DGKB: variants seen among roughly 807,000 people sequenced by gnomAD.
DGKB encodes diacylglycerol kinase beta.
DGKB carries 67 observed loss-of-function variants against 114.3 expected under a neutral mutation model. The ratio of observed to expected loss-of-function variants is 0.59; its 90% CI spans 0.48 to 0.72. The LOEUF is 0.72. Ranked by LOEUF, DGKB falls within the 30% of genes least tolerant of loss-of-function variation. The pLI is 0.00. For synonymous variants in DGKB, 398 were observed against 323.1 expected, an observed-to-expected ratio of 1.23 and a Z score of -2.49; for missense variants, 907 against 975.2, an observed-to-expected ratio of 0.93 and a Z score of 0.93.
chr7:14,157,917 G>C (rs912291375), intron 25 of DGKB, among the ~76,000 whole-genome samples: 3 of 152,086 alleles, frequency 2.0e-5, no homozygotes, highest in African/African-American at 7.2e-5. Context: ...CTTGTGACTT[G>C]ACTTTTCTTA....
intron 15 of DGKB, among the ~76,000 whole-genome samples, chr7:14,615,043 T>C (rs572342784): frequency 8.4e-4 from 128 of 152,200 alleles, no homozygotes; most frequent in African/African-American, 3.1e-3. Flanking sequence ...TAAAAACCTG[T>C]GTTCGATTTT....
In DGKB at chr7:14,617,045, T is replaced by C. The variant is rs1806670328; in HGVS notation, c.1285-3632A>G. ...AAAACAGTACATTTAAAGAGCATGA[T>C]TTTAGAGTTAGACTGGTTTTGGATC... is the stretch of plus-strand genomic sequence containing the variant. On this transcript the variant is annotated intron_variant, in intron 15 of 25. Transcript: ENST00000402815. Among the ~76,000 whole-genome samples the C allele has an allele frequency of 2.0e-5, 3 of 151,718 alleles. No individual in the cohort carries two copies. The South Asian group carries it at 6.2e-4, about 31-fold the overall frequency.
chr7:14,646,413 A>AT (rs1340369280), intron 13 of DGKB, among the ~76,000 whole-genome samples: 1 of 152,292 alleles, frequency 6.6e-6, no homozygotes, highest in African/African-American at 2.4e-5. Flanking sequence ...AATGCCCCAC[A>AT]TTGAGTATTA....
chr7:14,255,306 T>G (rs1795802776), intron 23 of DGKB, among the ~76,000 whole-genome samples: 1 of 152,180 alleles, frequency 6.6e-6, no homozygotes, highest in South Asian at 2.1e-4. Context: ...GATTAAATAT[T>G]TTAATATTAA....
intron 2 of DGKB, among the ~76,000 whole-genome samples, chr7:14,803,326 A>C (rs1223442373): frequency 1.3e-5 from 2 of 152,172 alleles, no homozygotes; most frequent in African/African-American, 4.8e-5. Context: ...AGATACAAGG[A>C]TAAAACCCTC....
intron 1 of DGKB, among the ~76,000 whole-genome samples, chr7:14,940,753 G>C (rs978099961): frequency 6.6e-6 from 1 of 151,558 alleles, no homozygotes; most frequent in Non-Finnish European, 1.5e-5. Flanking sequence ...AATTTCTTTT[G>C]TTTCCTCTTT....
At chr7:14,684,546 T>C (rs1821357996) in intron 10 of DGKB, among the ~76,000 whole-genome samples, 1 of 152,162 alleles carries the variant, frequency 6.6e-6, no homozygotes, top group Non-Finnish European at 1.5e-5. Flanking sequence ...ATTACTTAGG[T>C]GATTTTATAA....
chr7:14,321,705 A>AGAT (rs1807849157), intron 23 of DGKB, among the ~76,000 whole-genome samples: 1 of 152,114 alleles, frequency 6.6e-6, no homozygotes, highest in African/African-American at 2.4e-5. Flanking sequence ...AACAGTCTAT[A>AGAT]GATACAGTAT....
intron 23 of DGKB, among the ~76,000 whole-genome samples, chr7:14,321,699 G>A (rs1266105136): frequency 1.3e-5 from 2 of 151,858 alleles, no homozygotes; most frequent in Admixed American, 1.3e-4. Flanking sequence ...AAGTCCAACA[G>A]TCTATAGATA....
At chr7:14,357,326 A>G in intron 21 of DGKB, among the ~76,000 whole-genome samples, 1 of 152,110 alleles carries the variant, frequency 6.6e-6, no homozygotes, top group East Asian at 1.9e-4. Flanking sequence ...CTTCTTGTTG[A>G]ATTGATCCCT....
chr7:14,622,058 T>G (rs1807756735), intron 14 of DGKB, among the ~76,000 whole-genome samples: 1 of 152,016 alleles, frequency 6.6e-6, no homozygotes, highest in African/African-American at 2.4e-5. Flanking sequence ...CTTTTCACTC[T>G]CTCTTAACAC....
At chr7:14,661,017 C>G (rs1439888798) in intron 13 of DGKB, among the ~76,000 whole-genome samples, 2 of 149,270 alleles carry the variant, frequency 1.3e-5, no homozygotes, top group African/African-American at 4.9e-5. Flanking sequence ...AAAGCTGAAA[C>G]TGGATCCCTT....
At chr7:14,785,893 C>CTAT (rs1839821543) in intron 2 of DGKB, among the ~76,000 whole-genome samples, 1 of 140,682 alleles carries the variant, frequency 7.1e-6, no homozygotes, top group African/African-American at 2.6e-5. Flanking sequence ...AGAAGTTTTT[C>CTAT]TTTTTTTTTT....
At chr7:14,892,223 A>G (rs1272852138) in intron 1 of DGKB, among the ~76,000 whole-genome samples, 1 of 151,352 alleles carries the variant, frequency 6.6e-6, no homozygotes, top group Non-Finnish European at 1.5e-5. Flanking sequence ...AGTTCCAGGT[A>G]ATACCAAGAT....
chr7:14,612,454 C>G (rs2128794799), intron 16 of DGKB, among the ~76,000 whole-genome samples: 1 of 152,202 alleles, frequency 6.6e-6, no homozygotes. Context: ...TAATCTTACA[C>G]TCTTTAAAGC....
intron 21 of DGKB, among the ~76,000 whole-genome samples, chr7:14,450,763 T>C (rs1298214954): frequency 2.0e-5 from 3 of 152,032 alleles, no homozygotes; most frequent in African/African-American, 4.8e-5. Context: ...TCCTATCAAG[T>C]GGATCTGAGG....
intron 19 of DGKB, among the ~76,000 whole-genome samples, chr7:14,576,693 T>G (rs1225678937): frequency 6.6e-6 from 1 of 152,150 alleles, no homozygotes; most frequent in African/African-American, 2.4e-5. Flanking sequence ...ACTGGAACAA[T>G]GTAGGAACAG....
chr7:14,417,967 T>G (rs1825970884), intron 21 of DGKB, among the ~76,000 whole-genome samples: 1 of 151,224 alleles, frequency 6.6e-6, no homozygotes, highest in Non-Finnish European at 1.5e-5. Flanking sequence ...GTCAGAGTTA[T>G]AAACATAAGT....
chr7:14,563,872 G>A (rs1797025149), intron 20 of DGKB, among the ~76,000 whole-genome samples: 1 of 152,104 alleles, frequency 6.6e-6, no homozygotes. Flanking sequence ...CTTCCTCAGA[G>A]AAAAGCAAGC....
Sources: allele counts gnomAD v4.1 joint callset (sites outside exome capture counted in the v4.1 genomes callset), GRCh38; gene constraint gnomAD v4.1.1; transcripts MANE v1.5; gene names NCBI Gene and HGNC (gene_info 2026-07-23, HGNC 2026-07-21).